The following BMERB1 variants were observed in gnomAD, a reference collection of about 807,000 sequenced individuals.
BMERB1 encodes the protein bMERB domain containing 1, also known as bMERB domain-containing protein 1.
BMERB1 carries 12 observed loss-of-function variants against 23.6 expected under a neutral mutation model. The observed-to-expected ratio is 0.51, with a 90% CI of 0.33 to 0.82. BMERB1 has a LOEUF of 0.82. Ranked by LOEUF, BMERB1 falls within the 40% of genes least tolerant of loss-of-function variation. BMERB1 has a pLI of 0.03. For missense variants in BMERB1, 247 were observed against 255.4 expected (o/e 0.97, Z 0.22); for synonymous variants, 122 against 96.6 (o/e 1.26, Z -1.54).
At chr16:15,571,856 C>T (rs906889946) in intron 3 of BMERB1, among the ~76,000 whole-genome samples, 1 of 152,108 alleles carries the variant, frequency 6.6e-6, no homozygotes, top group African/African-American at 2.4e-5. Context: ...CTCCGCGTTT[C>T]CTTTATCCTA....
chr16:15,553,499 G>A (rs770990677), intron 2 of BMERB1, among the ~76,000 whole-genome samples: 19 of 152,194 alleles, frequency 1.2e-4, no homozygotes, highest in Non-Finnish European at 1.6e-4. Flanking sequence ...TCTACAGAGT[G>A]TACAGTCTCT....
chr16:15,484,542 C>T (rs894474811), intron 1 of BMERB1, among the ~76,000 whole-genome samples: 1 of 152,088 alleles, frequency 6.6e-6, no homozygotes, highest in Non-Finnish European at 1.5e-5. Context: ...GCTGGGACTA[C>T]AGGCACACAC....
rs571053423 is a variant in BMERB1 at position 15,529,626 on chromosome 16, G to T, written c.230+14198G>T. Among the ~76,000 whole-genome samples the T allele has an allele frequency of 3.3e-5, 5 of 152,250 alleles. No homozygotes were observed. In the South Asian group the frequency reaches 1.0e-3, roughly 32 times the overall value. On this transcript the variant is annotated intron_variant, in intron 2 of 5. Transcript: ENST00000300006. ...ATTTTCACTCCCAAAAATGTTGACG[G>T]TACCCAGCACACAGCCAAACTCAGC... is the stretch of plus-strand genomic sequence containing the variant.
chr16:15,512,518 G>A (rs146480419), intron 1 of BMERB1, among the ~76,000 whole-genome samples: 1 of 152,336 alleles, frequency 6.6e-6, no homozygotes, highest in East Asian at 1.9e-4. Context: ...GCTGAGGCAG[G>A]AGGATTGCTT....
chr16:15,567,658 G>A (rs1035696369), intron 2 of BMERB1, among the ~76,000 whole-genome samples: 4 of 152,178 alleles, frequency 2.6e-5, no homozygotes, highest in African/African-American at 9.7e-5. Flanking sequence ...AGTTACTTGG[G>A]AGGCTGAGGC....
At chr16:15,527,395 A>G (rs1447604714) in intron 2 of BMERB1, among the ~76,000 whole-genome samples, 1 of 152,204 alleles carries the variant, frequency 6.6e-6, no homozygotes, top group East Asian at 1.9e-4. Context: ...GCCTGAGCTC[A>G]GGAGTTCGAG....
At chr16:15,463,719 C>T (rs994945634) in intron 1 of BMERB1, among the ~76,000 whole-genome samples, 5 of 152,080 alleles carry the variant, frequency 3.3e-5, no homozygotes, top group Admixed American at 3.3e-4. Flanking sequence ...AAGGAACCCT[C>T]CCCAATCCTG....
chr16:15,445,650 G>A (rs2050982386), intron 1 of BMERB1, among the ~76,000 whole-genome samples: 1 of 152,194 alleles, frequency 6.6e-6, no homozygotes, highest in Non-Finnish European at 1.5e-5. Flanking sequence ...TGCTGGAGAG[G>A]ATGTAGATCA....
chr16:15,456,340 G>GT (rs560310881), intron 1 of BMERB1, among the ~76,000 whole-genome samples: 1,693 of 139,038 alleles, frequency 0.012, 12 homozygotes, highest in East Asian at 0.038. Flanking sequence ...TCTTTTCCTT[G>GT]TTTTTTTTTT....
chr16:15,536,652 C>G (rs1361209233), intron 2 of BMERB1: 3 of 152,240 alleles, frequency 2.0e-5, no homozygotes. Flanking sequence ...CCCATGCTTC[C>G]GCGTCTCAGC....
intron 4 of BMERB1, 27 bp downstream of exon 4, chr16:15,581,358 C>G (rs778401935): frequency 3.8e-6 from 6 of 1,583,128 alleles, no homozygotes; most frequent in Middle Eastern, 1.8e-4. Context: ...TACCCGATCA[C>G]TGGGCTGCAG....
rs8049274 is a variant in BMERB1 at position 15,581,648 on chromosome 16, T to C, written c.419+317T>C. 6.0e-3 allele frequency among the ~76,000 whole-genome samples: 917 copies of C among 152,310 alleles called. 7 individuals carry two copies. Among genetic ancestry groups the C allele is most frequent in the African/African-American group, 0.019 (810 of 41,578 alleles). Reference sequence around the variant, plus strand: ...CTCCTGAAGGCAATGTCTTGAAACTTCTGCTATCAGTTTCTACCGAAACTC... The same window carrying C: ...CTCCTGAAGGCAATGTCTTGAAACTCCTGCTATCAGTTTCTACCGAAACTC... On this transcript the variant is annotated intron_variant, in intron 4 of 5. Transcript: ENST00000300006.
At chr16:15,455,543 C>T (rs974820944) in intron 1 of BMERB1, among the ~76,000 whole-genome samples, 1 of 151,964 alleles carries the variant, frequency 6.6e-6, no homozygotes, top group African/African-American at 2.4e-5. Flanking sequence ...TCACTGCAAG[C>T]TCCGCCTCAC....
intron 1 of BMERB1, among the ~76,000 whole-genome samples, chr16:15,497,256 G>T (rs368419172): frequency 2.0e-4 from 31 of 152,282 alleles, no homozygotes; most frequent in African/African-American, 7.5e-4. Flanking sequence ...AAAATCAAGG[G>T]TTTATACAGC....
At chr16:15,464,024 G>C (rs2051159853) in intron 1 of BMERB1, among the ~76,000 whole-genome samples, 1 of 151,992 alleles carries the variant, frequency 6.6e-6, no homozygotes, top group Non-Finnish European at 1.5e-5. Context: ...GAGAAGTAAA[G>C]AATCAAGGCC....
chr16:15,481,059 T>C (rs1456531469), intron 1 of BMERB1, among the ~76,000 whole-genome samples: 1 of 152,144 alleles, frequency 6.6e-6, no homozygotes, highest in Non-Finnish European at 1.5e-5. Context: ...GTGGCTAAAC[T>C]ATGGTAGAAC....
chr16:15,565,063 A>G (rs1598524276), intron 2 of BMERB1, among the ~76,000 whole-genome samples: 1 of 152,174 alleles, frequency 6.6e-6, no homozygotes, highest in African/African-American at 2.4e-5. Context: ...AAAAAAAAAA[A>G]AAAGCACTCA....
intron 2 of BMERB1, among the ~76,000 whole-genome samples, chr16:15,564,338 T>A (rs547517557): frequency 6.6e-6 from 1 of 152,348 alleles, no homozygotes; most frequent in African/African-American, 2.4e-5. Context: ...TACATAAATT[T>A]TTTTTTGTTT....
intron 5 of BMERB1, among the ~76,000 whole-genome samples, chr16:15,585,744 G>A (rs1448763558): frequency 6.6e-6 from 1 of 152,078 alleles, no homozygotes; most frequent in African/African-American, 2.4e-5. Flanking sequence ...CAGGAGAATC[G>A]CTTGAACCCA....
Sources: gnomAD v4.1 joint callset for allele counts (sites outside exome capture counted in the v4.1 genomes callset) on GRCh38, gnomAD v4.1.1 for gene constraint, MANE v1.5 for transcripts, NCBI Gene and HGNC (gene_info 2026-07-23, HGNC 2026-07-21) for gene names.